SPECC1: variants seen among roughly 807,000 people sequenced by gnomAD.
SPECC1 encodes cytospin-B.
Under a neutral mutation model 104.1 loss-of-function variants are expected in SPECC1, and 62 were observed. The observed-to-expected ratio is 0.60, with a 90% confidence interval of 0.49 to 0.74. SPECC1 has a LOEUF of 0.74. Among genes scored for constraint, SPECC1 ranks in the 30% least tolerant of loss-of-function variants. The probability of loss-of-function intolerance (pLI) is 0.00; values close to 1 mark genes in which losing one functional copy is unlikely to be tolerated. For missense variants in SPECC1, 1,306 were observed against 1,310.5 expected (o/e 1.00, Z 0.05); for synonymous variants, 513 against 501.6 (o/e 1.02, Z -0.30).
At chr17:20,069,194 C>G (rs1234767476) in intron 1 of SPECC1, among the ~76,000 whole-genome samples, 1 of 152,242 alleles carries the variant, frequency 6.6e-6, no homozygotes, top group Non-Finnish European at 1.5e-5. Flanking sequence ...TAAGTGAGAA[C>G]ATGCAGTATT....
chr17:20,227,333 G>T, intron 4 of SPECC1, 80 bp from the exon 5 acceptor site: 1 of 1,187,114 alleles, frequency 8.4e-7, no homozygotes. Flanking sequence ...CATCATGGTG[G>T]GGCTTGGCCT....
intron 3 of SPECC1, among the ~76,000 whole-genome samples, chr17:20,135,809 G>A (rs1343618557): frequency 6.6e-6 from 1 of 152,134 alleles, no homozygotes. Context: ...CATGTGTGGG[G>A]GACCAGAAGA....
At chr17:20,111,934 A>G (rs2048517008) in intron 3 of SPECC1, 1 of 792,022 alleles carries the variant, frequency 1.3e-6, no homozygotes, top group Non-Finnish European at 2.3e-6. Flanking sequence ...AACTTGGCAT[A>G]AAAGCCACCA....
intron 2 of SPECC1, among the ~76,000 whole-genome samples, chr17:20,107,144 C>CAA (rs531912350): frequency 0.028 from 1,873 of 68,054 alleles, 334 homozygotes; most frequent in African/African-American, 0.14. Flanking sequence ...ACTCGTGTCT[C>CAA]AAAAAAAAAA....
intron 3 of SPECC1, among the ~76,000 whole-genome samples, chr17:20,190,671 G>A (rs1479117830): frequency 6.6e-6 from 1 of 152,128 alleles, no homozygotes; most frequent in Non-Finnish European, 1.5e-5. Flanking sequence ...TTCACTCTTG[G>A]CATTGTGCAT....
chr17:20,283,205 A>T (rs1567605670), intron 12 of SPECC1, among the ~76,000 whole-genome samples: 1 of 152,190 alleles, frequency 6.6e-6, no homozygotes, highest in Non-Finnish European at 1.5e-5. Flanking sequence ...CAAACAAAAA[A>T]GATTAAAGCA....
At chr17:20,110,219 C>G (rs1385989781) in intron 2 of SPECC1, among the ~76,000 whole-genome samples, 3 of 152,184 alleles carry the variant, frequency 2.0e-5, no homozygotes, top group African/African-American at 7.2e-5. Flanking sequence ...TTGAAACAGT[C>G]ATGGGAGATC....
intron 9 of SPECC1, among the ~76,000 whole-genome samples, chr17:20,251,836 G>A (rs1250503140): frequency 1.3e-5 from 2 of 152,150 alleles, no homozygotes; most frequent in Admixed American, 6.5e-5. Flanking sequence ...AGGTAAGTAC[G>A]TTTAGTATCG....
rs200380064 is a variant in SPECC1 at position 20,011,516 on chromosome 17, CT to C, written c.-22+2101del. 1.1e-4 allele frequency among the ~76,000 whole-genome samples: 17 copies of C among 150,898 alleles called. No individual in the cohort carries two copies. The Middle Eastern group carries it at 0.01, about 92-fold the overall frequency. On this transcript the variant is annotated intron_variant, in intron 1 of 14. Transcript: ENST00000395527. ...CAGTACTTTTTTTGGTACCTTTTCTCTTTTTTTTTGATCAGACTTGCTTAAT... is the reference window on the plus strand; with the variant it reads ...CAGTACTTTTTTTGGTACCTTTTCTCTTTTTTTTGATCAGACTTGCTTAAT...
chr17:20,196,134 T>C (rs1263518230), intron 3 of SPECC1, among the ~76,000 whole-genome samples: 1 of 152,244 alleles, frequency 6.6e-6, no homozygotes, highest in Non-Finnish European at 1.5e-5. Flanking sequence ...AGCAATTCTT[T>C]AACCCTTTAG....
At chr17:20,058,663 A>G (rs533404597) in intron 1 of SPECC1, among the ~76,000 whole-genome samples, 2 of 152,174 alleles carry the variant, frequency 1.3e-5, no homozygotes, top group South Asian at 4.2e-4. Flanking sequence ...TGTATTTAAA[A>G]AAAAGTTTAT....
At chr17:20,142,834 A>G (rs1447968654) in intron 3 of SPECC1, among the ~76,000 whole-genome samples, 1 of 151,512 alleles carries the variant, frequency 6.6e-6, no homozygotes, top group African/African-American at 2.4e-5. Flanking sequence ...TACCAAAAAA[A>G]AAAAAACCAA....
intron 3 of SPECC1, among the ~76,000 whole-genome samples, chr17:20,178,444 T>C (rs1165746629): frequency 6.6e-6 from 1 of 152,202 alleles, no homozygotes; most frequent in African/African-American, 2.4e-5. Flanking sequence ...AAAGAAATAG[T>C]GTGATCCACT....
intron 4 of SPECC1, among the ~76,000 whole-genome samples, chr17:20,212,392 AAAGGATT>A (rs1184371633): frequency 2.6e-5 from 4 of 152,240 alleles, no homozygotes; most frequent in African/African-American, 9.7e-5. Context: ...GGAAAGAAAA[AAAGGATT>A]AATGAACTTA....
At chr17:20,244,503 C>G (rs1324465098) in intron 7 of SPECC1, among the ~76,000 whole-genome samples, 1 of 151,240 alleles carries the variant, frequency 6.6e-6, no homozygotes, top group Non-Finnish European at 1.5e-5. Flanking sequence ...TTTTTTTTCA[C>G]TCATAAGAAG....
At chr17:20,191,849 CT>C (rs2035693925) in intron 3 of SPECC1, among the ~76,000 whole-genome samples, 1 of 152,104 alleles carries the variant, frequency 6.6e-6, no homozygotes, top group Admixed American at 6.6e-5. Context: ...TGTAGAGCAG[CT>C]TTTCATAGCT....
At chr17:20,282,781 CG>C (rs2040818735) in intron 12 of SPECC1, among the ~76,000 whole-genome samples, 1 of 152,096 alleles carries the variant, frequency 6.6e-6, no homozygotes, top group Admixed American at 6.5e-5. Context: ...CTGACTTGAA[CG>C]GGTTGAGGAG....
chr17:20,021,702 A>ATATATATTT (rs1402960712), intron 1 of SPECC1, among the ~76,000 whole-genome samples: 2 of 139,280 alleles, frequency 1.4e-5, no homozygotes, highest in African/African-American at 5.3e-5. Context: ...ATATATATAT[A>ATATATATTT]TTTTTTTGTA....
chr17:20,281,149 G>T (rs1432311994), intron 12 of SPECC1, among the ~76,000 whole-genome samples: 1 of 152,184 alleles, frequency 6.6e-6, no homozygotes, highest in East Asian at 1.9e-4. Flanking sequence ...GTGAAACCAT[G>T]TGCTGTAAGC....
Sources: allele counts gnomAD v4.1 joint callset (sites outside exome capture counted in the v4.1 genomes callset), GRCh38; gene constraint gnomAD v4.1.1; transcripts MANE v1.5; gene names NCBI Gene and HGNC (gene_info 2026-07-23, HGNC 2026-07-21).